The following FAM13A variants were observed in gnomAD, a reference collection of about 807,000 sequenced individuals.
FAM13A encodes the protein protein FAM13A.
In FAM13A, 76 loss-of-function variants were observed where a neutral mutation model predicts 129.6. That is an observed-to-expected ratio of 0.59 (90% confidence interval 0.49 to 0.71). FAM13A has a LOEUF of 0.71. Among genes scored for constraint, FAM13A ranks in the 30% least tolerant of loss-of-function variants. The pLI, the probability that FAM13A is intolerant of heterozygous loss-of-function variation, is 0.00. For missense variants in FAM13A, 1,108 were observed against 1,249.3 expected, an observed-to-expected ratio of 0.89 and a Z score of 1.70; for synonymous variants, 443 against 449.9, an observed-to-expected ratio of 0.98 and a Z score of 0.20.
At position 88,728,528 on chromosome 4, in the gene FAM13A, GC is replaced by G; in HGVS notation, c.*4del. On this transcript the variant is annotated 3_prime_UTR_variant, in exon 24 of 24. Transcript: ENST00000264344. The stretch of plus-strand genomic sequence containing the variant: ...CTGCCAGCCCCCTGTGCTTGGCCAT[GC>G]CCCTCACATGGACTTGGAATCAGTG... The G allele has an allele frequency of 2.5e-6, 4 of 1,614,080 alleles. No homozygotes were observed. The highest frequency in any genetic ancestry group is 1.3e-5 in the African/African-American group (1 of 75,066).
intron 4 of FAM13A, among the ~76,000 whole-genome samples, chr4:88,976,792 A>C (rs1235664218): frequency 6.6e-6 from 1 of 152,094 alleles, no homozygotes; most frequent in Admixed American, 6.5e-5. Context: ...CAGGTGTACA[A>C]TTTTTTATCT....
At chr4:88,790,947 C>T (rs144727508) in intron 8 of FAM13A, among the ~76,000 whole-genome samples, 93 of 152,184 alleles carry the variant, frequency 6.1e-4, no homozygotes, top group African/African-American at 1.9e-3. Flanking sequence ...TTTCATTTTC[C>T]TAAAATGTTA....
intron 3 of FAM13A, among the ~76,000 whole-genome samples, chr4:89,006,089 G>A (rs1350563325): frequency 6.6e-6 from 1 of 152,176 alleles, no homozygotes; most frequent in Admixed American, 6.5e-5. Flanking sequence ...TTTGTATACG[G>A]TGTAAAGAAG....
Position 89,057,105 on chromosome 4 carries a change from A to C in FAM13A, c.-141T>G. Reference sequence around the variant, plus strand: ...TGCAAAGGCCCCAAGGTAAGCGAAGAGCAGCTTCTAACATTTTAGGAAGAG... The same window carrying C: ...TGCAAAGGCCCCAAGGTAAGCGAAGCGCAGCTTCTAACATTTTAGGAAGAG... On this transcript the variant is annotated 5_prime_UTR_variant, in exon 1 of 24. Coordinates refer to ENST00000264344, the MANE Select transcript of FAM13A (RefSeq NM_014883.4). The C allele has an allele frequency of 6.8e-7, 1 of 1,480,394 alleles. No homozygotes were observed. Among genetic ancestry groups the C allele is most frequent in the Non-Finnish European group, 8.9e-7 (1 of 1,118,508 alleles). 91.7% of individuals were successfully genotyped at this position (1,480,394 alleles called of 1,614,324 possible). A position where few individuals can be genotyped will look rare whatever the true frequency, so the allele number is the denominator to read the frequency against.
intron 4 of FAM13A, among the ~76,000 whole-genome samples, chr4:88,964,574 G>A (rs1759089697): frequency 6.6e-6 from 1 of 150,396 alleles, no homozygotes; most frequent in Admixed American, 6.6e-5. Flanking sequence ...CACCACACTA[G>A]CACATAATGA....
chr4:88,779,100 T>C (rs1413795101), intron 11 of FAM13A, among the ~76,000 whole-genome samples: 5 of 152,198 alleles, frequency 3.3e-5, no homozygotes, highest in African/African-American at 4.8e-5. Flanking sequence ...TGTTTACTTA[T>C]TTATCTTGGT....
chr4:89,036,746 T>G (rs900160292), intron 1 of FAM13A, among the ~76,000 whole-genome samples: 1 of 152,194 alleles, frequency 6.6e-6, no homozygotes, highest in South Asian at 2.1e-4. Context: ...AGGGTCCTGT[T>G]GCTCTGCTCA....
intron 3 of FAM13A, among the ~76,000 whole-genome samples, chr4:89,013,718 C>T (rs1043102706): frequency 1.5e-4 from 23 of 152,220 alleles, no homozygotes; most frequent in East Asian, 5.8e-4. Flanking sequence ...CAATTAGATT[C>T]GGTACATAAT....
chr4:88,987,760 T>C (rs1762420694), intron 4 of FAM13A, among the ~76,000 whole-genome samples: 1 of 140,708 alleles, frequency 7.1e-6, no homozygotes, highest in South Asian at 2.3e-4. Flanking sequence ...GAGAATGGCG[T>C]GAACCCGGGA....
chr4:89,056,834 A>G, intron 1 of FAM13A, 104 bp downstream of exon 1: 8 of 1,128,330 alleles, frequency 7.1e-6, no homozygotes, highest in Non-Finnish European at 1.0e-5. Context: ...ACCTCCTGGG[A>G]AGGAAAAATA....
At chr4:88,981,318 A>T (rs1320517248) in intron 4 of FAM13A, among the ~76,000 whole-genome samples, 2 of 152,192 alleles carry the variant, frequency 1.3e-5, no homozygotes, top group African/African-American at 4.8e-5. Flanking sequence ...ATACTAACAG[A>T]CAAACAAAAA....
At position 89,012,572 on chromosome 4, in the gene FAM13A, G is replaced by A. The variant is rs1765873727; in HGVS notation, c.427+7888C>T. ...TAGAATCTCAGAGCTTCAGACATCA[G>A]ACACATCCAAAGTGTATAATTTGTT... On this transcript the variant is annotated intron_variant, in intron 3 of 23. Coordinates refer to ENST00000264344, the MANE Select transcript of FAM13A (RefSeq NM_014883.4). Among the ~76,000 whole-genome samples the A allele has an allele frequency of 2.0e-5, 3 of 152,176 alleles. No individual in the cohort carries two copies. In the South Asian group the frequency reaches 6.2e-4, roughly 32 times the overall value.
intron 1 of FAM13A, among the ~76,000 whole-genome samples, chr4:89,043,159 T>C (rs1223451550): frequency 6.6e-6 from 1 of 152,152 alleles, no homozygotes; most frequent in Non-Finnish European, 1.5e-5. Flanking sequence ...ACCTGAAAGA[T>C]AGAGCACACT....
intron 6 of FAM13A, among the ~76,000 whole-genome samples, chr4:88,894,436 T>C (rs1194538785): frequency 6.6e-6 from 1 of 152,172 alleles, no homozygotes; most frequent in Non-Finnish European, 1.5e-5. Flanking sequence ...TTTTAAAACA[T>C]GCAAAGACTA....
At chr4:88,958,766 C>T (rs1399217553) in intron 4 of FAM13A, among the ~76,000 whole-genome samples, 1 of 152,196 alleles carries the variant, frequency 6.6e-6, no homozygotes, top group Admixed American at 6.5e-5. Context: ...AGAGGGCTAC[C>T]ACTCTCCAGA....
At chr4:88,918,669 T>C (rs1023938891) in intron 5 of FAM13A, among the ~76,000 whole-genome samples, 2 of 152,238 alleles carry the variant, frequency 1.3e-5, no homozygotes, top group African/African-American at 4.8e-5. Flanking sequence ...GCATCACCTA[T>C]ATATTGGAGT....
At chr4:88,974,410 A>G (rs1246965049) in intron 4 of FAM13A, among the ~76,000 whole-genome samples, 6 of 152,174 alleles carry the variant, frequency 3.9e-5, no homozygotes, top group African/African-American at 7.2e-5. Flanking sequence ...ACTTGTTGTT[A>G]GGAACGAGTG....
intron 6 of FAM13A, among the ~76,000 whole-genome samples, chr4:88,899,053 CTG>C (rs1284113391): frequency 2.6e-5 from 4 of 151,390 alleles, no homozygotes; most frequent in Non-Finnish European, 5.9e-5. Flanking sequence ...AGTAAAGAAA[CTG>C]TGGTGTGTGT....
chr4:88,773,398 C>T (rs1721074757), intron 11 of FAM13A, among the ~76,000 whole-genome samples: 1 of 152,174 alleles, frequency 6.6e-6, no homozygotes, highest in Admixed American at 6.5e-5. Context: ...CTGCCTCTTC[C>T]CACCAATAGA....
Sources: gnomAD v4.1 joint callset for allele counts (sites outside exome capture counted in the v4.1 genomes callset) on GRCh38, gnomAD v4.1.1 for gene constraint, MANE v1.5 for transcripts, NCBI Gene and HGNC (gene_info 2026-07-23, HGNC 2026-07-21) for gene names.